LRMDA: variants seen among roughly 807,000 people sequenced by gnomAD.
LRMDA encodes the protein leucine-rich melanocyte differentiation-associated protein.
In LRMDA, 18 loss-of-function variants were observed where a neutral mutation model predicts 29.8. The ratio of observed to expected loss-of-function variants is 0.60; its 90% CI spans 0.42 to 0.90. The LOEUF (loss-of-function observed/expected upper bound fraction) is 0.90. Ranked by LOEUF, LRMDA falls within the 40% of genes least tolerant of loss-of-function variation. The probability of loss-of-function intolerance (pLI) is 0.00; values close to 1 mark genes in which losing one functional copy is unlikely to be tolerated. For synonymous variants in LRMDA, 125 were observed against 109.4 expected (o/e 1.14, Z -0.89); for missense variants, 273 against 273.9 (o/e 1.00, Z 0.02).
At chr10:75,714,168 T>C (rs942564141) in intron 2 of LRMDA, among the ~76,000 whole-genome samples, 2 of 152,186 alleles carry the variant, frequency 1.3e-5, no homozygotes, top group Non-Finnish European at 2.9e-5. Context: ...GTGGACTTGC[T>C]AGAAATGATG....
chr10:76,122,504 C>A (rs1329961693), intron 5 of LRMDA, among the ~76,000 whole-genome samples: 1 of 152,028 alleles, frequency 6.6e-6, no homozygotes, highest in East Asian at 1.9e-4. Context: ...ATATCCTTAT[C>A]TGTAAAATGG....
chr10:75,972,427 A>G (rs1846991103), intron 2 of LRMDA, among the ~76,000 whole-genome samples: 1 of 152,192 alleles, frequency 6.6e-6, no homozygotes, highest in Non-Finnish European at 1.5e-5. Context: ...GACTGAGATT[A>G]AAATTTGGGT....
chr10:75,639,904 T>G (rs1389172763), intron 2 of LRMDA, among the ~76,000 whole-genome samples: 2 of 152,184 alleles, frequency 1.3e-5, no homozygotes, highest in Non-Finnish European at 2.9e-5. Flanking sequence ...CGGCACTGCA[T>G]CATTCTGGGA....
At chr10:76,454,622 C>G (rs189366045) in intron 6 of LRMDA, among the ~76,000 whole-genome samples, 1 of 149,624 alleles carries the variant, frequency 6.7e-6, no homozygotes, top group Non-Finnish European at 1.5e-5. Context: ...ACCGCCACCC[C>G]CCACCCCGCC....
At chr10:76,532,269 A>G (rs1767173238) in intron 6 of LRMDA, among the ~76,000 whole-genome samples, 1 of 152,166 alleles carries the variant, frequency 6.6e-6, no homozygotes, top group Non-Finnish European at 1.5e-5. Context: ...GAGTGAGAAC[A>G]TGCACAAACC....
chr10:76,269,735 C>G (rs1481849635), intron 5 of LRMDA, among the ~76,000 whole-genome samples: 1 of 152,180 alleles, frequency 6.6e-6, no homozygotes. Flanking sequence ...CTGAATTATT[C>G]TAAGCCCTTT....
At chr10:76,377,566 C>T (rs1016029289) in intron 6 of LRMDA, among the ~76,000 whole-genome samples, 3 of 152,112 alleles carry the variant, frequency 2.0e-5, no homozygotes, top group Admixed American at 6.6e-5. Flanking sequence ...TCTGGTGAGA[C>T]ATATGGGTCC....
At chr10:76,004,872 C>A (rs915125833) in intron 2 of LRMDA, among the ~76,000 whole-genome samples, 14 of 151,884 alleles carry the variant, frequency 9.2e-5, no homozygotes, top group African/African-American at 2.4e-4. Flanking sequence ...GGACTACAGG[C>A]GCCTGCCACC....
At chr10:75,843,358 C>T (rs983513180) in intron 2 of LRMDA, among the ~76,000 whole-genome samples, 2 of 152,146 alleles carry the variant, frequency 1.3e-5, no homozygotes, top group African/African-American at 4.8e-5. Context: ...AAGATGGCAC[C>T]TAGGAAGCTG....
intron 6 of LRMDA, among the ~76,000 whole-genome samples, chr10:76,414,002 A>T (rs1841989986): frequency 6.6e-6 from 1 of 152,248 alleles, no homozygotes; most frequent in South Asian, 2.1e-4. Context: ...CCATAAGGCC[A>T]TATGGCTGGT....
chr10:76,483,451 C>T (rs887054431), intron 6 of LRMDA, among the ~76,000 whole-genome samples: 4 of 151,808 alleles, frequency 2.6e-5, no homozygotes, highest in East Asian at 2.0e-4. Flanking sequence ...TGGAGCTACA[C>T]GGGGCAGCTT....
intron 2 of LRMDA, among the ~76,000 whole-genome samples, chr10:75,522,164 C>T (rs1333187279): frequency 6.6e-6 from 1 of 152,218 alleles, no homozygotes; most frequent in Non-Finnish European, 1.5e-5. Flanking sequence ...TGTATTAACT[C>T]ACTTAGTCCT....
chr10:76,100,630 T>A (rs1288991305), intron 5 of LRMDA, among the ~76,000 whole-genome samples: 1 of 152,252 alleles, frequency 6.6e-6, no homozygotes, highest in African/African-American at 2.4e-5. Context: ...GATCACTTAC[T>A]GTTCTTCTGC....
chr10:75,988,326 A>G (rs1847297719), intron 2 of LRMDA, among the ~76,000 whole-genome samples: 1 of 152,072 alleles, frequency 6.6e-6, no homozygotes, highest in African/African-American at 2.4e-5. Flanking sequence ...TCCTCCCTCC[A>G]GCCTCCACCA....
chr10:76,139,346 AT>A (rs1271377119), intron 5 of LRMDA, among the ~76,000 whole-genome samples: 1 of 152,194 alleles, frequency 6.6e-6, no homozygotes, highest in African/African-American at 2.4e-5. Context: ...TTAGTTAAAA[AT>A]TTTTTGCATA....
chr10:76,533,746 G>A (rs1466982685), intron 6 of LRMDA, among the ~76,000 whole-genome samples: 1 of 152,152 alleles, frequency 6.6e-6, no homozygotes, highest in Non-Finnish European at 1.5e-5. Flanking sequence ...GGTAAAGGCT[G>A]GATGGCTTGG....
chr10:76,332,452 G>A (rs1840915766), intron 6 of LRMDA, among the ~76,000 whole-genome samples: 1 of 152,150 alleles, frequency 6.6e-6, no homozygotes, highest in South Asian at 2.1e-4. Context: ...GAAGGGCTAC[G>A]AATCTGGTTT....
chr10:76,501,499 A>C (rs1051552581), intron 6 of LRMDA, among the ~76,000 whole-genome samples: 4 of 151,764 alleles, frequency 2.6e-5, no homozygotes, highest in Non-Finnish European at 4.4e-5. Flanking sequence ...GTGTGTAAGC[A>C]TTTGCTTTTC....
At chr10:75,460,969 C>T (rs1844577683) in intron 2 of LRMDA, among the ~76,000 whole-genome samples, 2 of 152,088 alleles carry the variant, frequency 1.3e-5, no homozygotes, top group African/African-American at 2.4e-5. Flanking sequence ...AGTGAAATTA[C>T]TGAATTAAAG....
Sources: allele counts gnomAD v4.1 joint callset (sites outside exome capture counted in the v4.1 genomes callset), GRCh38; gene constraint gnomAD v4.1.1; transcripts MANE v1.5; gene names NCBI Gene and HGNC (gene_info 2026-07-23, HGNC 2026-07-21).